Variants in BRWD1 observed in about 807,000 individuals in gnomAD.
BRWD1 encodes bromodomain and WD repeat-containing protein 1.
In BRWD1, 82 loss-of-function variants were observed where a neutral mutation model predicts 251.2. The ratio of observed to expected loss-of-function variants is 0.33; its 90% CI spans 0.27 to 0.39. The LOEUF is 0.39. Ranked by LOEUF, BRWD1 falls within the 10% of genes least tolerant of loss-of-function variation. BRWD1 has a pLI of 1.00. For missense variants in BRWD1, 2,233 were observed against 2,711.6 expected (o/e 0.82, Z 3.92); for synonymous variants, 918 against 902.8 (o/e 1.02, Z -0.30).
Position 39,190,804 on chromosome 21 carries a change from G to GC in BRWD1, c.*5454dup, listed in dbSNP as rs113060682. The GC allele has an allele frequency of 9.6e-4, 948 of 985,294 alleles. 11 individuals carry two copies. The African/African-American group carries it at 0.016, about 17-fold the overall frequency. 61.0% of individuals were successfully genotyped at this position (985,294 alleles called of 1,614,324 possible). On this transcript the variant is annotated 3_prime_UTR_variant, in exon 41 of 41. Transcript: ENST00000342449. ...GAGCTGGTAACACTGCAGTATGGCA[G>GC]CATCAGGTCAAAAGACCATCAGAAA...
In BRWD1 at chr21:39,239,272, T is replaced by C. The variant is rs192345536; in HGVS notation, c.2482-699A>G. On this transcript the variant is annotated intron_variant, in intron 21 of 40. Transcript: ENST00000342449. ...GGTCAATGCCACACTCATGGACACA[T>C]AGATTTTGCCCTTTGTTATCTTCTA... is the stretch of plus-strand genomic sequence containing the variant. Among the ~76,000 whole-genome samples, 300 of 152,244 alleles carry C rather than the reference T, an allele frequency of 2.0e-3. 7 individuals are homozygous for C. The highest frequency in any genetic ancestry group is 0.018 in the Admixed American group (279 of 15,284).
At chr21:39,206,351 T>C (rs1034732167) in intron 36 of BRWD1, 77 bp from the exon 37 acceptor site, 4 of 1,101,030 alleles carry the variant, frequency 3.6e-6, no homozygotes, top group Non-Finnish European at 5.1e-6. Context: ...ATCATTGAGA[T>C]CCCTTGCAAT....
chr21:39,196,304 GTCA>G lies in BRWD1; in HGVS notation c.6762_6764del (p.Asp2255del). ...AATCTAACACATTTTCTAAACTTCT[GTCA>G]TCATCCCCATCATGGTATCTCACAG... is the stretch of plus-strand genomic sequence containing the variant. On this transcript the variant is annotated inframe_deletion, in exon 41 of 41. Coordinates refer to ENST00000342449, the MANE Select transcript of BRWD1 (RefSeq NM_033656.4). The G allele has an allele frequency of 6.2e-7, 1 of 1,610,912 alleles. No homozygotes were observed. Among genetic ancestry groups the G allele is most frequent in the Non-Finnish European group, 8.5e-7 (1 of 1,178,746 alleles).
chr21:39,273,337 TTA>T (rs1254426415), intron 13 of BRWD1, among the ~76,000 whole-genome samples: 6 of 152,184 alleles, frequency 3.9e-5, no homozygotes, highest in African/African-American at 1.4e-4. Context: ...TTTAATTTGT[TTA>T]TGAGCAAGGG....
At position 39,270,016 on chromosome 21, in the gene BRWD1, T is replaced by C. The variant is rs370783170; in HGVS notation, c.1413A>G (p.Val471=). ...CAAAGGGATGTGTCTCCAGAACAAA[T>C]ACTTCATCAGCATGTCCCTTTATTT... ...LHNLMGHADE[V]FVLETHPFDS... is the part of the protein sequence containing the mutation. Residue 471 remains valine, a synonymous_variant, in exon 15 of 41, where the codon GTA becomes GTG. Coordinates refer to ENST00000342449, the MANE Select transcript of BRWD1 (RefSeq NM_033656.4). The C allele has an allele frequency of 3.2e-6, 5 of 1,581,290 alleles. No homozygotes were observed. The highest frequency in any genetic ancestry group is 1.8e-5 in the Admixed American group (1 of 55,298).
chr21:39,308,024 T>C (rs1326219052), intron 4 of BRWD1, among the ~76,000 whole-genome samples: 3 of 152,154 alleles, frequency 2.0e-5, no homozygotes, highest in African/African-American at 7.2e-5. Flanking sequence ...ACACGGAGGC[T>C]CACACCTGTA....
intron 19 of BRWD1, 84 bp from the exon 20 acceptor site, chr21:39,250,973 T>C (rs1365584062): frequency 2.6e-6 from 2 of 781,944 alleles, no homozygotes; most frequent in Non-Finnish European, 4.0e-6. Flanking sequence ...AGTGTGATTC[T>C]ATAAATCATA....
At chr21:39,293,677 TATGA>T (rs2035877344) in intron 8 of BRWD1, 130 bp downstream of exon 8, 3 of 684,898 alleles carry the variant, frequency 4.4e-6, no homozygotes, top group Non-Finnish European at 7.3e-6. Flanking sequence ...GTATGATTTG[TATGA>T]ATGATTATCA....
chr21:39,316,581 T>A (rs2036700985), upstream of BRWD1, among the ~76,000 whole-genome samples: 1 of 152,230 alleles, frequency 6.6e-6, no homozygotes. Flanking sequence ...TCCCAAGCTC[T>A]GGTCATTGTC....
At position 39,207,485 on chromosome 21, in the gene BRWD1, A is replaced by ACACACACACACACACACAC. The variant is rs1350272514; in HGVS notation, c.4198-1212_4198-1211insGTGTGTGTGTGTGTGTGTG. 5.9e-3 allele frequency among the ~76,000 whole-genome samples: 703 copies of ACACACACACACACACACAC among 120,122 alleles called. 5 individuals are homozygous for ACACACACACACACACACAC. The highest frequency in any genetic ancestry group is 8.5e-3 in the Non-Finnish European group (484 of 56,666). The allele number at this position is 120,122 out of a possible 152,430, so 78.8% of individuals were successfully genotyped here. A position where few individuals can be genotyped will look rare whatever the true frequency, so the allele number is the denominator to read the frequency against. ...ACACACACACACACACACACACACAAACAAAACTCCAAAAACAACAAGTGT... is the reference window on the plus strand; with the variant it reads ...ACACACACACACACACACACACACAACACACACACACACACACACACAAAACTCCAAAAACAACAAGTGT... On this transcript the variant is annotated intron_variant, in intron 36 of 40. Transcript: ENST00000342449.
At position 39,202,545 on chromosome 21, in the gene BRWD1, T is replaced by A. The variant is rs777278271; in HGVS notation, c.4365A>T (p.Arg1455Ser). The A allele has an allele frequency of 1.2e-6, 2 of 1,606,164 alleles. No individual in the cohort carries two copies. The highest frequency in any genetic ancestry group is 1.7e-6 in the Non-Finnish European group (2 of 1,173,484). The change falls in exon 38 of 41, where the codon AGA becomes AGT. Residue 1455 changes from arginine to serine, a missense_variant and splice_region_variant. Transcript: ENST00000342449. The part of the protein sequence containing the change: ...KGDSQPNKSI[R>S]NLKPKRLKSQ... The stretch of plus-strand genomic sequence containing the variant: ...ATTTTAACCTCTTCGGCTTGAGGTT[T>A]CTGGCCAAACATATGAACAAAGGAA...
Position 39,202,543 on chromosome 21 carries a change from T to G in BRWD1, c.4367A>C (p.Asn1456Thr), listed in dbSNP as rs2032163534. 1 of 1,606,154 alleles carries G rather than the reference T, an allele frequency of 6.2e-7. No individual in the cohort carries two copies. The highest frequency in any genetic ancestry group is 1.7e-5 in the Admixed American group (1 of 59,842). Residue 1456 changes from asparagine (N) to threonine (T), a missense_variant and splice_region_variant, in exon 38 of 41, where the codon AAC (asparagine) becomes ACC (threonine). Asn to Thr is a moderately conservative substitution (Grantham distance 65). Around this residue, in one of 12 missense-constraint regions of BRWD1, gnomAD observed 928 missense variants for 970.0 expected, o/e 0.96. Coordinates refer to ENST00000342449, the MANE Select transcript of BRWD1 (RefSeq NM_033656.4). Reference protein sequence around the residue: ...GDSQPNKSIRNLKPKRLKSQT... With the variant: ...GDSQPNKSIRTLKPKRLKSQT... ...AGATTTTAACCTCTTCGGCTTGAGG[T>G]TTCTGGCCAAACATATGAACAAAGG...
chr21:39,263,516 T>C (rs1446811443), intron 17 of BRWD1, among the ~76,000 whole-genome samples: 1 of 152,094 alleles, frequency 6.6e-6, no homozygotes, highest in Non-Finnish European at 1.5e-5. Flanking sequence ...TACAACCCAT[T>C]AGCCACACCC....
rs78945412 is a variant in BRWD1, at chr21:39,303,555, A to G, written c.199-4973T>C. On this transcript the variant is annotated intron_variant, in intron 4 of 40. Coordinates refer to ENST00000342449, the MANE Select transcript of BRWD1 (RefSeq NM_033656.4). ...AAAAAAAAAATTATTAAAAAAATGA[A>G]GAAAAGGAATAGTTAGGCCAGGCGA... Among the ~76,000 whole-genome samples the G allele has an allele frequency of 1.7e-3, 260 of 150,918 alleles. 1 individual carries two copies. Among genetic ancestry groups the G allele is most frequent in the African/African-American group, 6.0e-3 (245 of 41,086 alleles).
Position 39,199,026 on chromosome 21 carries a change from C to A in BRWD1, c.5390G>T (p.Arg1797Ile). ...TGTATTGTATTTCCTACCACCAGATCTTCCTGGTTCAGAATCTGCTTCCTC... is the reference window on the plus strand; with the variant it reads ...TGTATTGTATTTCCTACCACCAGATATTCCTGGTTCAGAATCTGCTTCCTC... ...ISEEADSEPGRSGGRKYNTFH... is the reference protein window; with the variant it reads ...ISEEADSEPGISGGRKYNTFH... The change falls in exon 40 of 41, where the codon AGA becomes ATA. Residue 1797 changes from arginine (R) to isoleucine (I), a missense_variant. Physicochemically the swap from Arg to Ile is moderately conservative, Grantham distance 97. Around this residue, in one of 12 missense-constraint regions of BRWD1, gnomAD observed 928 missense variants for 970.0 expected, o/e 0.96. Coordinates refer to ENST00000342449, the MANE Select transcript of BRWD1 (RefSeq NM_033656.4). 1 of 1,614,120 alleles carries A rather than the reference C, an allele frequency of 6.2e-7. No homozygotes were observed. Among genetic ancestry groups the A allele is most frequent in the Non-Finnish European group, 8.5e-7 (1 of 1,180,030 alleles).
intron 8 of BRWD1, among the ~76,000 whole-genome samples, chr21:39,292,869 A>T (rs188631788): frequency 3.9e-5 from 6 of 152,350 alleles, no homozygotes; most frequent in African/African-American, 1.2e-4. Flanking sequence ...TAAATAAAAT[A>T]CCATTATGAG....
At chr21:39,251,954 T>C (rs985243948) in intron 19 of BRWD1, among the ~76,000 whole-genome samples, 5 of 152,104 alleles carry the variant, frequency 3.3e-5, no homozygotes, top group Admixed American at 6.6e-5. Context: ...TTAGCAAAGA[T>C]CATAGAGTGT....
chr21:39,188,907 G>A lies in BRWD1; in HGVS notation c.*7352C>T, dbSNP rs1012115602. ...AGGCATTGTAAATGGCATTTTACCA[G>A]AGTAAGACACTCATCACGGCATTAC... On this transcript the variant is annotated 3_prime_UTR_variant, in exon 41 of 41. Coordinates refer to ENST00000342449, the MANE Select transcript of BRWD1 (RefSeq NM_033656.4). 1 of 985,334 alleles carries A rather than the reference G, an allele frequency of 1.0e-6. No individual in the cohort carries two copies. The highest frequency in any genetic ancestry group is 1.2e-6 in the Non-Finnish European group (1 of 829,892). The allele number at this position is 985,334 out of a possible 1,614,324, so 61.0% of individuals were successfully genotyped here.
chr21:39,295,971 A>AT, intron 6 of BRWD1, 68 bp from the exon 7 acceptor site: 1 of 1,350,486 alleles, frequency 7.4e-7, no homozygotes, highest in African/African-American at 1.5e-5. Flanking sequence ...AAAAACTCAA[A>AT]TAACAATTTC....
Sources: gnomAD v4.1 joint callset for allele counts (sites outside exome capture counted in the v4.1 genomes callset) on GRCh38, gnomAD v4.1.1 for gene constraint, gnomAD v4.1.1 regional missense constraint, MANE v1.5 for transcripts, NCBI Gene and HGNC (gene_info 2026-07-23, HGNC 2026-07-21) for gene names.